Variants in PCDHA12 observed in about 807,000 individuals in gnomAD.
PCDHA12 encodes the protein protocadherin alpha-12.
Under a neutral mutation model 60.0 loss-of-function variants are expected in PCDHA12, and 44 were observed. That is an observed-to-expected ratio of 0.73 (90% CI 0.58 to 0.94). The LOEUF is 0.94. Among genes scored for constraint, PCDHA12 ranks in the 40% least tolerant of loss-of-function variants. The probability of loss-of-function intolerance (pLI) is 0.00; values close to 1 mark genes in which losing one functional copy is unlikely to be tolerated. For missense variants in PCDHA12, 1,276 were observed against 1,239.7 expected, an observed-to-expected ratio of 1.03 and a Z score of -0.44; for synonymous variants, 569 against 553.0, an observed-to-expected ratio of 1.03 and a Z score of -0.40.
At chr5:140,928,998 C>T (rs1448389331) in intron 1 of PCDHA12, 5 of 1,613,784 alleles carry the variant, frequency 3.1e-6, no homozygotes, top group Non-Finnish European at 4.2e-6. Flanking sequence ...TACTTTTCTT[C>T]GTGTGTACCA....
At chr5:140,924,646 G>A (rs2081930568) in intron 1 of PCDHA12, among the ~76,000 whole-genome samples, 1 of 152,122 alleles carries the variant, frequency 6.6e-6, no homozygotes, top group Non-Finnish European at 1.5e-5. Context: ...TGTAATCCCA[G>A]CACTTTGGGA....
chr5:140,876,746 T>C lies in PCDHA12; in HGVS notation c.1274T>C (p.Val425Ala), dbSNP rs1411489174. Reference protein sequence around the residue: ...RESVSAYELVVTARDGGSPSL... With the variant: ...RESVSAYELVATARDGGSPSL... ...AGCGTGTCGGCCTATGAGCTGGTGGTGACTGCGCGGGATGGGGGCTCGCCT... is the reference window on the plus strand; with the variant it reads ...AGCGTGTCGGCCTATGAGCTGGTGGCGACTGCGCGGGATGGGGGCTCGCCT... Residue 425 changes from valine (V) to alanine (A), a missense_variant, in exon 1 of 4, where the codon GTG (valine) becomes GCG (alanine). Val to Ala is a moderately conservative substitution (Grantham distance 64, BLOSUM62 0). Transcript: ENST00000398631. 6 of 1,614,098 alleles carry C rather than the reference T, an allele frequency of 3.7e-6. No homozygotes were observed. Among genetic ancestry groups the C allele is most frequent in the Admixed American group, 3.3e-5 (2 of 60,006 alleles).
intron 1 of PCDHA12, among the ~76,000 whole-genome samples, chr5:140,934,650 T>C (rs2089969846): frequency 6.6e-6 from 1 of 152,134 alleles, no homozygotes; most frequent in East Asian, 1.9e-4. Flanking sequence ...GATAAATGTT[T>C]GATTCTTCCC....
Position 140,875,684 on chromosome 5 carries a change from A to T in PCDHA12, c.212A>T (p.His71Leu), listed in dbSNP as rs1236163720. ...PRLFRVASKRHGDLLEVNLQN... is the reference protein window; with the variant it reads ...PRLFRVASKRLGDLLEVNLQN... The stretch of plus-strand genomic sequence containing the variant: ...CTGTTCCGGGTGGCGTCCAAAAGAC[A>T]CGGGGACCTTCTGGAGGTAAATCTG... Residue 71 changes from histidine to leucine, a missense_variant, in exon 1 of 4, where the codon CAC becomes CTC. Transcript: ENST00000398631. 6.2e-7 allele frequency: 1 copy of T among 1,613,854 alleles called. No homozygotes were observed. The highest frequency in any genetic ancestry group is 8.5e-7 in the Non-Finnish European group (1 of 1,180,026).
intron 1 of PCDHA12, among the ~76,000 whole-genome samples, chr5:140,925,502 C>G (rs978472276): frequency 6.6e-6 from 1 of 151,912 alleles, no homozygotes; most frequent in Admixed American, 6.6e-5. Context: ...GTCCCAATAT[C>G]CACGCAAAAG....
rs1554214040 is a variant in PCDHA12, at chr5:140,941,214, C to CCTTCCTTTCTTTCTTTCTTTCTTTCTTT, written c.2368-37732_2368-37731insCCTTTCTTTCTTTCTTTCTTTCTTTCTT. Reference sequence around the variant, plus strand: ...TTTTTTCTTTCTTCCTTTCTTTCTTCCTTTCTTTCTTTCTTTCTTTCTTTC... The same window carrying CCTTCCTTTCTTTCTTTCTTTCTTTCTTT: ...TTTTTTCTTTCTTCCTTTCTTTCTTCCTTCCTTTCTTTCTTTCTTTCTTTCTTTCTTTCTTTCTTTCTTTCTTTCTTTC... On this transcript the variant is annotated intron_variant, in intron 1 of 3. Transcript: ENST00000398631. Among the ~76,000 whole-genome samples, 25 of 122,492 alleles carry CCTTCCTTTCTTTCTTTCTTTCTTTCTTT rather than the reference C, an allele frequency of 2.0e-4. 1 individual carries two copies. Among genetic ancestry groups the CCTTCCTTTCTTTCTTTCTTTCTTTCTTT allele is most frequent in the East Asian group, 4.6e-4 (2 of 4,322 alleles). The allele number at this position is 122,492 out of a possible 152,430, so 80.4% of individuals were successfully genotyped here.
intron 1 of PCDHA12, among the ~76,000 whole-genome samples, chr5:140,941,445 A>C (rs1472770794): frequency 8.0e-5 from 12 of 149,892 alleles, no homozygotes; most frequent in Middle Eastern, 6.8e-3. Context: ...CCTCGGGAGT[A>C]GCTGGGATTA....
rs782597420 is a variant in PCDHA12 at position 140,876,907 on chromosome 5, G to A, written c.1435G>A (p.Ala479Thr). 6.2e-7 allele frequency: 1 copy of A among 1,614,022 alleles called. No individual in the cohort carries two copies. The highest frequency in any genetic ancestry group is 1.7e-5 in the Admixed American group (1 of 60,030). The change falls in exon 1 of 4, where the codon GCA becomes ACA. Residue 479 changes from alanine (A) to threonine (T), a missense_variant. Transcript: ENST00000398631. ...GGGCTGCCACATCTTCACGGTGTCG[G>A]CATGGGACGCGGACGCGCAGAAGAA... ...PPGCHIFTVS[A>T]WDADAQKNAL...
chr5:140,879,824 T>G (rs946010713), intron 1 of PCDHA12, among the ~76,000 whole-genome samples: 2 of 152,250 alleles, frequency 1.3e-5, no homozygotes, highest in Non-Finnish European at 2.9e-5. Context: ...TGGTGTTCCC[T>G]GGCTTGTGGC....
intron 1 of PCDHA12, chr5:140,928,181 C>T (rs782130459): frequency 2.5e-6 from 4 of 1,614,186 alleles, no homozygotes; most frequent in Non-Finnish European, 3.4e-6. Flanking sequence ...ACCCGAAGGA[C>T]AATCACTGTG....
chr5:140,913,219 C>A (rs2076256091), intron 1 of PCDHA12, among the ~76,000 whole-genome samples: 2 of 152,122 alleles, frequency 1.3e-5, no homozygotes, highest in Non-Finnish European at 2.9e-5. Context: ...GGGTCCCAGG[C>A]TTTACTTTGC....
chr5:140,876,792 A>T lies in PCDHA12; in HGVS notation c.1320A>T (p.Arg440Ser). ...CGCCTTCGCTGTGGGCCACGGCTAG[A>T]GTGTCCGTGGAGGTGGCCGACGTGA... Reference protein sequence around the residue: ...GGSPSLWATARVSVEVADVND... With the variant: ...GGSPSLWATASVSVEVADVND... The change falls in exon 1 of 4, where the codon AGA (arginine) becomes AGT (serine). Residue 440 changes from arginine to serine, a missense_variant. Transcript: ENST00000398631. 6.2e-7 allele frequency: 1 copy of T among 1,614,116 alleles called. No individual in the cohort carries two copies. The highest frequency in any genetic ancestry group is 8.5e-7 in the Non-Finnish European group (1 of 1,180,034).
chr5:140,917,164 G>C (rs155804), intron 1 of PCDHA12, among the ~76,000 whole-genome samples: 48,022 of 151,994 alleles, frequency 0.32, 7,940 homozygotes, highest in East Asian at 0.52. Context: ...TATGGGAGGG[G>C]TGATGGTGGT....
intron 1 of PCDHA12, chr5:140,968,856 G>A (rs782749305): frequency 1.2e-6 from 2 of 1,614,184 alleles, no homozygotes; most frequent in South Asian, 1.1e-5. Flanking sequence ...CATGTTAAGA[G>A]CCCTCGGACA....
intron 1 of PCDHA12, among the ~76,000 whole-genome samples, chr5:140,969,689 G>C (rs2096353737): frequency 6.6e-6 from 1 of 152,136 alleles, no homozygotes; most frequent in Admixed American, 6.5e-5. Context: ...AGGAGAAATG[G>C]CCTCTGCTGT....
At position 140,877,724 on chromosome 5, in the gene PCDHA12, C is replaced by A; in HGVS notation, c.2252C>A (p.Ser751Ter). Reference sequence around the variant, plus strand: ...AGCGCCGTGGGGAGTTGGTCTTACTCGCAGCAGAGGAGGCAGAGGGTGTGC... The same window carrying A: ...AGCGCCGTGGGGAGTTGGTCTTACTAGCAGCAGAGGAGGCAGAGGGTGTGC... ...CSSAVGSWSYSQQRRQRVCSA... is the reference protein window; with the variant it reads ...CSSAVGSWSY Residue 751 changes from serine (S) to a stop codon, truncating the protein, a stop_gained, in exon 1 of 4, where the codon TCG (serine) becomes TAG (stop). Transcript: ENST00000398631. LOFTEE classifies it high-confidence loss of function. 6.2e-7 allele frequency: 1 copy of A among 1,614,150 alleles called. No homozygotes were observed. The highest frequency in any genetic ancestry group is 8.5e-7 in the Non-Finnish European group (1 of 1,180,030).
chr5:140,955,006 C>T (rs1304080416), intron 1 of PCDHA12, among the ~76,000 whole-genome samples: 1 of 152,154 alleles, frequency 6.6e-6, no homozygotes, highest in African/African-American at 2.4e-5. Flanking sequence ...AGCCAATTCT[C>T]CCAGCACCAT....
chr5:140,986,280 C>T (rs2097193236), intron 3 of PCDHA12, among the ~76,000 whole-genome samples: 1 of 152,116 alleles, frequency 6.6e-6, no homozygotes, highest in African/African-American at 2.4e-5. Flanking sequence ...TTTCAGCTTC[C>T]CTTGAGACTG....
intron 1 of PCDHA12, 73 bp from the exon 2 acceptor site, chr5:140,978,876 A>G: frequency 6.2e-7 from 1 of 1,609,510 alleles, no homozygotes; most frequent in Non-Finnish European, 8.5e-7. Flanking sequence ...GGGAGTAACT[A>G]ATCAATTAGC....
Sources: allele counts gnomAD v4.1 joint callset (sites outside exome capture counted in the v4.1 genomes callset), GRCh38; gene constraint gnomAD v4.1.1; transcripts MANE v1.5; gene names NCBI Gene and HGNC (gene_info 2026-07-23, HGNC 2026-07-21).